The following KDM3B variants were observed in gnomAD, a reference collection of about 807,000 sequenced individuals.
The protein encoded by KDM3B is lysine-specific demethylase 3B.
In KDM3B, 10 loss-of-function variants were observed where a neutral mutation model predicts 170.0. That is an observed-to-expected ratio of 0.06 (90% CI 0.04 to 0.10). The LOEUF is 0.10. Among genes scored for constraint, KDM3B ranks in the 10% least tolerant of loss-of-function variants. The probability of loss-of-function intolerance (pLI) is 1.00; values close to 1 mark genes in which losing one functional copy is unlikely to be tolerated. For missense variants in KDM3B, 1,394 were observed against 2,195.2 expected (o/e 0.64, Z 7.29); for synonymous variants, 831 against 834.8 (o/e 1.00, Z 0.08).
intron 1 of KDM3B, among the ~76,000 whole-genome samples, chr5:138,364,667 C>T (rs1045365731): frequency 1.3e-5 from 2 of 151,690 alleles, no homozygotes; most frequent in Non-Finnish European, 2.9e-5. Flanking sequence ...AGCCCATATT[C>T]TGCTACGCAT....
At chr5:138,429,443 G>A (rs760375950) in intron 20 of KDM3B, among the ~76,000 whole-genome samples, 2 of 152,156 alleles carry the variant, frequency 1.3e-5, no homozygotes, top group Non-Finnish European at 2.9e-5. Flanking sequence ...CTCTTCACTT[G>A]GTAGTGATGC....
chr5:138,398,928 G>A (rs774913193), intron 10 of KDM3B, among the ~76,000 whole-genome samples: 10 of 128,444 alleles, frequency 7.8e-5, no homozygotes, highest in East Asian at 2.2e-4. Flanking sequence ...TCGCTCTGTC[G>A]CCCAGGCTGG....
rs749607879 is a variant in KDM3B at position 138,391,814 on chromosome 5, C to T, written c.2182C>T (p.Pro728Ser). The change falls in exon 8 of 24, where the codon CCC becomes TCC. Residue 728 changes from proline to serine, a missense_variant. Physicochemically the swap from Pro to Ser is moderately conservative, Grantham distance 74 (BLOSUM62 -1). Transcript: ENST00000314358. This position sits in a 1 kb window ranked among gnomAD's most constrained non-coding sequence, Gnocchi z 5.0. ...CATGGGGAATGGCCGCTCCAGCTCG[C>T]CCACCAGCAGCCTCACTCAGCCCAT... ...SAMGNGRSSS[P>S]TSSLTQPIEM... The T allele has an allele frequency of 1.9e-6, 3 of 1,613,966 alleles. No individual in the cohort carries two copies. The highest frequency in any genetic ancestry group is 8.5e-7 in the Non-Finnish European group (1 of 1,180,014).
In KDM3B at chr5:138,381,609, T is replaced by C. The variant is rs200426251; in HGVS notation, c.780+19T>C. 93 of 1,473,818 alleles carry C rather than the reference T, an allele frequency of 6.3e-5. No homozygotes were observed. The highest frequency in any genetic ancestry group is 3.8e-6 in the Non-Finnish European group (4 of 1,051,972). The allele number at this position is 1,473,818 out of a possible 1,614,324, so 91.3% of individuals were successfully genotyped here. ...AAGCGAGGTACAGTAATGGACTGCA[T>C]TCCTGAGCAGACTCATGAGCTTGCA... is the stretch of plus-strand genomic sequence containing the variant. On this transcript the variant is annotated intron_variant, in intron 6 of 23. Coordinates refer to ENST00000314358, the MANE Select transcript of KDM3B (RefSeq NM_016604.4).
chr5:138,366,914 T>C (rs1433321335), intron 1 of KDM3B, among the ~76,000 whole-genome samples: 1 of 152,234 alleles, frequency 6.6e-6, no homozygotes. Context: ...CAACCATTAA[T>C]ATGCCAGTCA....
rs1763686344 is a variant in KDM3B, at chr5:138,436,827, T to C, written c.*1127T>C. The C allele has an allele frequency of 6.6e-6, 1 of 152,154 alleles. No individual in the cohort carries two copies. Among genetic ancestry groups the C allele is most frequent in the African/African-American group, 2.4e-5 (1 of 41,436 alleles). The allele number at this position is 152,154 out of a possible 1,614,324, so 9.4% of individuals were successfully genotyped here. On this transcript the variant is annotated 3_prime_UTR_variant, in exon 24 of 24. Transcript: ENST00000314358. ...GAAAATGGTGGGATTCATTGGCCCA[T>C]AGGTACATTGGAAAATGTATATCTC...
intron 1 of KDM3B, among the ~76,000 whole-genome samples, chr5:138,371,772 C>T (rs1761880766): frequency 6.6e-6 from 1 of 151,980 alleles, no homozygotes; most frequent in South Asian, 2.1e-4. Flanking sequence ...CAAGACTGGC[C>T]TGGGTAACAC....
chr5:138,362,886 TC>T (rs1320412172), intron 1 of KDM3B, among the ~76,000 whole-genome samples: 1 of 149,412 alleles, frequency 6.7e-6, no homozygotes, highest in Non-Finnish European at 1.5e-5. Flanking sequence ...CCCTCCCCTC[TC>T]CCCCCAATAA....
At chr5:138,368,634 C>T (rs1228058429) in intron 1 of KDM3B, among the ~76,000 whole-genome samples, 1 of 152,140 alleles carries the variant, frequency 6.6e-6, no homozygotes, top group Non-Finnish European at 1.5e-5. Context: ...AAGCTTCACT[C>T]TTGGGGGAAT....
At chr5:138,408,517 T>TATA (rs1034886384) in intron 11 of KDM3B, among the ~76,000 whole-genome samples, 1 of 152,054 alleles carries the variant, frequency 6.6e-6, no homozygotes, top group African/African-American at 2.4e-5. Flanking sequence ...TAATACCAAT[T>TATA]ATACACACAG....
At chr5:138,363,667 C>T (rs1761673055) in intron 1 of KDM3B, among the ~76,000 whole-genome samples, 1 of 152,158 alleles carries the variant, frequency 6.6e-6, no homozygotes. Context: ...CTGCCTCAGC[C>T]TCCTGAGTAG....
chr5:138,362,941 CAT>C (rs1034468344), intron 1 of KDM3B, among the ~76,000 whole-genome samples: 54 of 150,742 alleles, frequency 3.6e-4, no homozygotes, highest in African/African-American at 1.0e-3. Context: ...TTATATAAAA[CAT>C]ATTTCTATAA....
In KDM3B at chr5:138,391,263, C is replaced by T; in HGVS notation, c.1631C>T (p.Ser544Leu). 5.0e-6 allele frequency: 8 copies of T among 1,614,184 alleles called. No homozygotes were observed. Among genetic ancestry groups the T allele is most frequent in the Non-Finnish European group, 6.8e-6 (8 of 1,180,040 alleles). The change falls in exon 8 of 24, where the codon TCA becomes TTA. Residue 544 changes from serine (S) to leucine (L), a missense_variant. By Grantham distance (145) the Ser-to-Leu change is moderately radical. This residue lies in a region of KDM3B where 294 missense variants were observed against 311.7 expected (regional missense o/e 0.94). Coordinates refer to ENST00000314358, the MANE Select transcript of KDM3B (RefSeq NM_016604.4). This position sits in a 1 kb window ranked among gnomAD's most constrained non-coding sequence, Gnocchi z 5.0. ...ACCAGTAACTACTTCACTACTGTTT[C>T]AGAGAGTTTGGCTGATGATTCTTCT... ...LPTSNYFTTV[S>L]ESLADDSSSR...
chr5:138,395,180 C>T (rs977559286), intron 9 of KDM3B, among the ~76,000 whole-genome samples: 17 of 152,110 alleles, frequency 1.1e-4, no homozygotes, highest in Non-Finnish European at 2.2e-4. Context: ...GCTGGGGATA[C>T]AGCTCTAGAG....
intron 9 of KDM3B, 110 bp downstream of exon 9, chr5:138,393,482 T>C (rs905582684): frequency 1.6e-5 from 14 of 883,122 alleles, no homozygotes; most frequent in East Asian, 2.6e-5. Context: ...TTTGCTTTCC[T>C]CAACTCCTTT....
Position 138,386,392 on chromosome 5 carries a change from C to T in KDM3B, c.1151C>T (p.Pro384Leu), listed in dbSNP as rs1384636492. ...GGGGACACACCTGCATCTTTCACTC[C>T]ATATTCTACAGCCACAGGTCAGACA... ...VGGDTPASFT[P>L]YSTATGQTPL... Residue 384 changes from proline (P) to leucine (L), a missense_variant, in exon 7 of 24, where the codon CCA becomes CTA. Pro to Leu is a moderately conservative substitution (Grantham distance 98). Coordinates refer to ENST00000314358, the MANE Select transcript of KDM3B (RefSeq NM_016604.4). The T allele has an allele frequency of 1.9e-6, 3 of 1,614,224 alleles. No individual in the cohort carries two copies. The highest frequency in any genetic ancestry group is 2.5e-6 in the Non-Finnish European group (3 of 1,180,034).
chr5:138,414,383 T>C (rs1580938892), intron 11 of KDM3B, among the ~76,000 whole-genome samples: 1 of 151,974 alleles, frequency 6.6e-6, no homozygotes, highest in Admixed American at 6.6e-5. Flanking sequence ...GCCAGGATGG[T>C]CTCGATCTCC....
At chr5:138,378,023 TCTAAAATAGAGATC>T (rs1316555920) in intron 4 of KDM3B, among the ~76,000 whole-genome samples, 198 bp downstream of exon 4, 25 of 152,306 alleles carry the variant, frequency 1.6e-4, no homozygotes, top group African/African-American at 5.8e-4. Context: ...TAGCTGGATC[TCTAAAATAGAGATC>T]TCATTCTCTC....
intron 7 of KDM3B, among the ~76,000 whole-genome samples, chr5:138,389,288 A>C (rs1041462070): frequency 6.6e-6 from 1 of 152,238 alleles, no homozygotes; most frequent in East Asian, 1.9e-4. Context: ...GACAGAGGCA[A>C]GCCTAGGTGG....
Sources: allele counts gnomAD v4.1 joint callset (sites outside exome capture counted in the v4.1 genomes callset), GRCh38; gene constraint gnomAD v4.1.1; regional missense constraint gnomAD v4.1.1; non-coding constraint Gnocchi (gnomAD v3.1); transcripts MANE v1.5; gene names NCBI Gene and HGNC (gene_info 2026-07-23, HGNC 2026-07-21).